ARHGAP35: variants seen among roughly 807,000 people sequenced by gnomAD.
ARHGAP35 encodes the protein rho GTPase-activating protein 35.
ARHGAP35 carries 15 observed loss-of-function variants against 111.1 expected under a neutral mutation model. That is an observed-to-expected ratio of 0.13 (90% CI 0.09 to 0.21). The LOEUF is 0.21. Ranked by LOEUF, ARHGAP35 falls within the 10% of genes least tolerant of loss-of-function variation. The probability of loss-of-function intolerance (pLI) is 1.00; values close to 1 mark genes in which losing one functional copy is unlikely to be tolerated. For synonymous variants in ARHGAP35, 643 were observed against 710.3 expected, an observed-to-expected ratio of 0.91 and a Z score of 1.51; for missense variants, 1,262 against 1,873.0, an observed-to-expected ratio of 0.67 and a Z score of 6.02.
Position 47,001,407 on chromosome 19 carries a change from A to G in ARHGAP35, c.*719A>G. On this transcript the variant is annotated 3_prime_UTR_variant, in exon 7 of 7. Transcript: ENST00000672722. The surrounding 1 kb of genome is among the most constrained non-coding windows in gnomAD (Gnocchi z 5.4). ...AAATGGAAAAACCCTTCCAGTAATT[A>G]AAAAGGAAGAAACCACAGAAAGAAA... The G allele has an allele frequency of 7.8e-7, 1 of 1,284,238 alleles. No homozygotes were observed. Among genetic ancestry groups the G allele is most frequent in the South Asian group, 1.2e-5 (1 of 80,922 alleles). The allele number at this position is 1,284,238 out of a possible 1,614,324, so 79.6% of individuals were successfully genotyped here.
rs376317356 is a variant in ARHGAP35, at chr19:46,919,365, G to A, written c.690G>A (p.Ala230=). The A allele has an allele frequency of 1.9e-5, 31 of 1,613,824 alleles. No individual in the cohort carries two copies. The highest frequency in any genetic ancestry group is 9.3e-5 in the African/African-American group (7 of 74,906). The change falls in exon 2 of 7, where the codon GCG becomes GCA. Residue 230 remains alanine (A), a synonymous_variant. Coordinates refer to ENST00000672722, the MANE Select transcript of ARHGAP35 (RefSeq NM_004491.5). The surrounding 1 kb of genome is among the most constrained non-coding windows in gnomAD (Gnocchi z 6.2). ...ACCTCCAGGTTGTGGAGACCTCAGC[G>A]AGATCCAATGTAAACGTGGACTTGG... ...KKNLQVVETS[A]RSNVNVDLAF... is the part of the protein sequence containing the mutation.
Position 46,922,502 on chromosome 19 carries a change from C to T in ARHGAP35, c.3681+146C>T. Reference sequence around the variant, plus strand: ...TTTGACTTAACATAAAAAAGCAGTGCCTCAATTAGCTACCATTATTGGCAG... The same window carrying T: ...TTTGACTTAACATAAAAAAGCAGTGTCTCAATTAGCTACCATTATTGGCAG... On this transcript the variant is annotated intron_variant, in intron 2 of 6. Coordinates refer to ENST00000672722, the MANE Select transcript of ARHGAP35 (RefSeq NM_004491.5). This position sits in a 1 kb window ranked among gnomAD's most constrained non-coding sequence, Gnocchi z 4.0. 2.7e-6 allele frequency: 2 copies of T among 736,070 alleles called. No homozygotes were observed. The highest frequency in any genetic ancestry group is 4.2e-6 in the Non-Finnish European group (2 of 478,726). 45.6% of individuals were successfully genotyped at this position (736,070 alleles called of 1,614,324 possible).
intron 1 of ARHGAP35, among the ~76,000 whole-genome samples, chr19:46,878,777 T>G (rs972974465): frequency 2.0e-5 from 3 of 152,126 alleles, no homozygotes; most frequent in Non-Finnish European, 4.4e-5. Context: ...TAAAAATACT[T>G]TATTACTTAA....
intron 1 of ARHGAP35, among the ~76,000 whole-genome samples, chr19:46,894,410 A>AATT (rs1054580999): frequency 1.3e-5 from 2 of 149,068 alleles, no homozygotes; most frequent in African/African-American, 4.9e-5. Flanking sequence ...CTTTAGATGT[A>AATT]ATTGACTTTG....
chr19:46,944,239 C>T (rs1347328635), intron 3 of ARHGAP35, among the ~76,000 whole-genome samples: 2 of 147,456 alleles, frequency 1.4e-5, no homozygotes, highest in Non-Finnish European at 3.0e-5. Context: ...GTTGAGGTTA[C>T]AGTAAGCTGA....
intron 1 of ARHGAP35, among the ~76,000 whole-genome samples, chr19:46,883,403 T>C (rs771079331): frequency 2.0e-5 from 3 of 152,030 alleles, no homozygotes; most frequent in African/African-American, 4.8e-5. Context: ...GCCCGGCCAA[T>C]TGGCCTAATT....
At chr19:46,969,151 G>A (rs887352304) in intron 3 of ARHGAP35, among the ~76,000 whole-genome samples, 24 of 152,036 alleles carry the variant, frequency 1.6e-4, no homozygotes, top group African/African-American at 5.6e-4. Context: ...AATTTGGAGT[G>A]GCTGCTCATG....
At chr19:46,888,051 A>T (rs1378717293) in intron 1 of ARHGAP35, among the ~76,000 whole-genome samples, 1 of 148,894 alleles carries the variant, frequency 6.7e-6, no homozygotes, top group Non-Finnish European at 1.5e-5. Flanking sequence ...TCCTGGGTTC[A>T]TGCCATTCTC....
chr19:46,960,919 A>T (rs536944742), intron 3 of ARHGAP35, among the ~76,000 whole-genome samples: 35 of 150,102 alleles, frequency 2.3e-4, no homozygotes, highest in African/African-American at 8.3e-4. Flanking sequence ...TCAGAGACGA[A>T]GTCTCACTCC....
At chr19:46,950,930 G>A (rs2056408829) in intron 3 of ARHGAP35, among the ~76,000 whole-genome samples, 1 of 152,220 alleles carries the variant, frequency 6.6e-6, no homozygotes, top group African/African-American at 2.4e-5. Context: ...AAAATGAAAG[G>A]TTCAGCCTTG....
At chr19:46,936,772 T>C (rs1252002050) in intron 2 of ARHGAP35, among the ~76,000 whole-genome samples, 1 of 152,122 alleles carries the variant, frequency 6.6e-6, no homozygotes, top group Non-Finnish European at 1.5e-5. Context: ...CTGTGTGGTA[T>C]TCAGAGGCCA....
intron 1 of ARHGAP35, among the ~76,000 whole-genome samples, chr19:46,915,122 G>GTAAT (rs1299804773): frequency 1.3e-5 from 2 of 152,232 alleles, no homozygotes; most frequent in Non-Finnish European, 2.9e-5. Flanking sequence ...ATATTACAGA[G>GTAAT]TAATTGATTG....
At chr19:46,957,511 G>A (rs757912665) in intron 3 of ARHGAP35, among the ~76,000 whole-genome samples, 1 of 151,966 alleles carries the variant, frequency 6.6e-6, no homozygotes, top group Non-Finnish European at 1.5e-5. Flanking sequence ...TACTTGGGAG[G>A]CTAAGGTAGG....
chr19:46,980,384 A>G (rs2056614695), intron 3 of ARHGAP35, among the ~76,000 whole-genome samples: 1 of 152,146 alleles, frequency 6.6e-6, no homozygotes, highest in African/African-American at 2.4e-5. Flanking sequence ...AACTCTTGTC[A>G]TCTCAAAAAT....
chr19:46,912,785 T>G (rs111450552), intron 1 of ARHGAP35, among the ~76,000 whole-genome samples: 87 of 152,234 alleles, frequency 5.7e-4, no homozygotes, highest in African/African-American at 2.0e-3. Flanking sequence ...ATATATTTCT[T>G]GTTCCACCCC....
chr19:46,865,902 G>T (rs570706166), intron 1 of ARHGAP35, among the ~76,000 whole-genome samples: 4 of 152,218 alleles, frequency 2.6e-5, no homozygotes, highest in South Asian at 2.1e-4. Flanking sequence ...GTGCAATGGC[G>T]CAATCTCAGC....
intron 3 of ARHGAP35, chr19:46,948,655 G>A (rs956775799): frequency 6.6e-6 from 1 of 152,312 alleles, no homozygotes; most frequent in South Asian, 2.1e-4. Context: ...AGTGATGGAA[G>A]CCAGACACAC....
At chr19:46,893,667 T>C (rs1220557082) in intron 1 of ARHGAP35, among the ~76,000 whole-genome samples, 2 of 152,030 alleles carry the variant, frequency 1.3e-5, no homozygotes, top group Non-Finnish European at 2.9e-5. Flanking sequence ...AGTTTAAAAT[T>C]GAATTGTACC....
intron 1 of ARHGAP35, among the ~76,000 whole-genome samples, chr19:46,881,178 A>G (rs2055960747): frequency 6.6e-6 from 1 of 151,886 alleles, no homozygotes; most frequent in Non-Finnish European, 1.5e-5. Context: ...CTCCTGATGT[A>G]ATCCACCCAC....
Sources: gnomAD v4.1 joint callset for allele counts (sites outside exome capture counted in the v4.1 genomes callset) on GRCh38, gnomAD v4.1.1 for gene constraint, Gnocchi (gnomAD v3.1) non-coding constraint, MANE v1.5 for transcripts, NCBI Gene and HGNC (gene_info 2026-07-23, HGNC 2026-07-21) for gene names.